Variants in DNALI1 observed in about 807,000 individuals in gnomAD.
DNALI1 encodes dynein axonemal light intermediate chain 1.
In DNALI1, 31 loss-of-function variants were observed where a neutral mutation model predicts 33.9. The observed-to-expected ratio is 0.91, with a 90% CI of 0.69 to 1.23. The LOEUF (loss-of-function observed/expected upper bound fraction) is 1.23, where lower values mean the gene tolerates loss of function less well. Ranked by LOEUF, DNALI1 falls within the 50% of genes most tolerant of loss-of-function variation. The pLI, the probability that DNALI1 is intolerant of heterozygous loss-of-function variation, is 0.00. For missense variants in DNALI1, 305 were observed against 323.8 expected, an observed-to-expected ratio of 0.94 and a Z score of 0.44; for synonymous variants, 117 against 129.2, an observed-to-expected ratio of 0.91 and a Z score of 0.64.
chr1:37,564,680 C>T (rs1440783037), intron 5 of DNALI1, among the ~76,000 whole-genome samples: 2 of 152,176 alleles, frequency 1.3e-5, no homozygotes, highest in Admixed American at 1.3e-4. Flanking sequence ...TGCGCCCGGC[C>T]AGAGAGCCAA....
In DNALI1 at chr1:37,561,735, A is replaced by G. The variant is rs375606011; in HGVS notation, c.576A>G (p.Lys192=). ...AGGGGAAGTCAGACATGGAGAGGAA[A>G]GTGAGTGGGGTTTACCGTGACCCTT... ...AEQGKSDMER[K]IAELETEKRD... Residue 192 remains lysine, a splice_region_variant and synonymous_variant, in exon 4 of 6, where the codon AAA becomes AAG. Coordinates refer to ENST00000652629, the MANE Select transcript of DNALI1 (RefSeq NM_003462.5). This position sits in a 1 kb window ranked among gnomAD's most constrained non-coding sequence, Gnocchi z 4.6. The G allele has an allele frequency of 1.2e-6, 2 of 1,613,356 alleles. No individual in the cohort carries two copies. Among genetic ancestry groups the G allele is most frequent in the Non-Finnish European group, 1.7e-6 (2 of 1,179,586 alleles).
At chr1:37,557,480 G>T in intron 1 of DNALI1, 123 bp from the exon 2 acceptor site, 1 of 1,371,092 alleles carries the variant, frequency 7.3e-7, no homozygotes, top group South Asian at 1.4e-5. Context: ...TGAGAAGACC[G>T]ACCCAAAGTA....
Position 37,559,948 on chromosome 1 carries a change from T to C in DNALI1, c.397+452T>C, listed in dbSNP as rs959917633. On this transcript the variant is annotated intron_variant, in intron 3 of 5. Coordinates refer to ENST00000652629, the MANE Select transcript of DNALI1 (RefSeq NM_003462.5). The surrounding 1 kb of genome is among the most constrained non-coding windows in gnomAD (Gnocchi z 5.3). ...GCAAGAAAACACGTGAGCAAAGGAA[T>C]CTGTGTCACGAATAAGTTCAAGGGA... is the stretch of plus-strand genomic sequence containing the variant. 6.6e-6 allele frequency among the ~76,000 whole-genome samples: 1 copy of C among 152,130 alleles called. No homozygotes were observed. Among genetic ancestry groups the C allele is most frequent in the Non-Finnish European group, 1.5e-5 (1 of 68,016 alleles).
rs1274177226 is a variant in DNALI1 at position 37,561,576 on chromosome 1, C to T, written c.417C>T (p.Val139=). 6.2e-7 allele frequency: 1 copy of T among 1,613,848 alleles called. No individual in the cohort carries two copies. The highest frequency in any genetic ancestry group is 8.5e-7 in the Non-Finnish European group (1 of 1,179,902). Residue 139 remains valine, a synonymous_variant, in exon 4 of 6, where the codon GTC becomes GTT. Coordinates refer to ENST00000652629, the MANE Select transcript of DNALI1 (RefSeq NM_003462.5). The surrounding 1 kb of genome is among the most constrained non-coding windows in gnomAD (Gnocchi z 4.6). ...SQCFDELIRE[V]TINCAERGLL... is the part of the protein sequence containing the mutation. ...TGGAAGATGAGTTGATCCGGGAGGT[C>T]ACCATCAACTGTGCGGAGAGGGGGC...
At chr1:37,557,558 G>C (rs1643386745) in intron 1 of DNALI1, 45 bp from the exon 2 acceptor site, 1 of 1,586,860 alleles carries the variant, frequency 6.3e-7, no homozygotes. Context: ...GTGTGGAGCT[G>C]AGCTCCTGAA....
intron 3 of DNALI1, chr1:37,560,718 A>C (rs1200034833): frequency 6.6e-6 from 1 of 152,242 alleles, no homozygotes; most frequent in Non-Finnish European, 1.5e-5. Flanking sequence ...TATTCTTGGC[A>C]ACTTGAGTTC....
intron 5 of DNALI1, among the ~76,000 whole-genome samples, chr1:37,564,494 T>C (rs1220588685): frequency 1.3e-5 from 2 of 152,146 alleles, no homozygotes; most frequent in East Asian, 3.9e-4. Context: ...GCTATTCTCC[T>C]GCCTCAGCCT....
chr1:37,557,811 T>C, intron 2 of DNALI1, 63 bp downstream of exon 2: 2 of 1,599,830 alleles, frequency 1.3e-6, no homozygotes, highest in South Asian at 1.1e-5. Context: ...ATTTTGGGAG[T>C]GTGGGGGGAG....
In DNALI1 at chr1:37,561,463, A is replaced by G. The variant is rs369359847; in HGVS notation, c.398-94A>G. On this transcript the variant is annotated intron_variant, in intron 3 of 5. Transcript: ENST00000652629. This position sits in a 1 kb window ranked among gnomAD's most constrained non-coding sequence, Gnocchi z 4.6. ...TTTGTCTCCAAGCGAGAACACCCTAATGTCCTTCCCAAGAGGAAGGGTGTT... is the reference window on the plus strand; with the variant it reads ...TTTGTCTCCAAGCGAGAACACCCTAGTGTCCTTCCCAAGAGGAAGGGTGTT... The G allele has an allele frequency of 1.4e-6, 2 of 1,469,678 alleles. No homozygotes were observed. The highest frequency in any genetic ancestry group is 9.2e-7 in the Non-Finnish European group (1 of 1,085,444). 91.0% of individuals were successfully genotyped at this position (1,469,678 alleles called of 1,614,324 possible).
intron 2 of DNALI1, chr1:37,558,268 C>T (rs1203583752): frequency 6.6e-6 from 1 of 152,638 alleles, no homozygotes; most frequent in African/African-American, 2.4e-5. Flanking sequence ...AAATTCTTTC[C>T]CAAATCCAAC....
rs1643485794 is a variant in DNALI1, at chr1:37,565,206, C to A, written c.*145C>A. On this transcript the variant is annotated 3_prime_UTR_variant, in exon 6 of 6. Transcript: ENST00000652629. ...AGCCATAACCTCCCCTAAACACCAC[C>A]TAGGTATTTGTTAGAAGTCACACTA... The A allele has an allele frequency of 1.2e-6, 1 of 831,150 alleles. No homozygotes were observed. The highest frequency in any genetic ancestry group is 1.6e-5 in the South Asian group (1 of 64,226). 51.5% of individuals were successfully genotyped at this position (831,150 alleles called of 1,614,324 possible).
rs1643457990 is a variant in DNALI1, at chr1:37,562,966, T to C, written c.741+721T>C. On this transcript the variant is annotated intron_variant, in intron 5 of 5. Transcript: ENST00000652629. This position sits in a 1 kb window ranked among gnomAD's most constrained non-coding sequence, Gnocchi z 5.8. ...CAAATTATTGGGCCCACCCCAGATC[T>C]ACCAAATCAGAAAATTCGGGGTTGG... Among the ~76,000 whole-genome samples, 1 of 152,222 alleles carries C rather than the reference T, an allele frequency of 6.6e-6. No individual in the cohort carries two copies. Among genetic ancestry groups the C allele is most frequent in the African/African-American group, 2.4e-5 (1 of 41,460 alleles).
chr1:37,559,279 G>A lies in DNALI1; in HGVS notation c.228-48G>A. ...AAGGGCCCTCTGCTCATGTGCTAGGGACCTTCAAGTCAACGGGTTTTGCTC... is the reference window on the plus strand; with the variant it reads ...AAGGGCCCTCTGCTCATGTGCTAGGAACCTTCAAGTCAACGGGTTTTGCTC... On this transcript the variant is annotated intron_variant, in intron 2 of 5. Coordinates refer to ENST00000652629, the MANE Select transcript of DNALI1 (RefSeq NM_003462.5). This position sits in a 1 kb window ranked among gnomAD's most constrained non-coding sequence, Gnocchi z 5.3. 6.5e-7 allele frequency: 1 copy of A among 1,532,610 alleles called. No individual in the cohort carries two copies. The highest frequency in any genetic ancestry group is 2.4e-5 in the East Asian group (1 of 41,880). 94.9% of individuals were successfully genotyped at this position (1,532,610 alleles called of 1,614,324 possible).
rs766981306 is a variant in DNALI1 at position 37,562,277 on chromosome 1, C to T, written c.741+32C>T. The T allele has an allele frequency of 5.0e-5, 80 of 1,597,004 alleles. No homozygotes were observed. In the South Asian group the frequency reaches 8.5e-4, roughly 17 times the overall value. On this transcript the variant is annotated intron_variant, in intron 5 of 5. Transcript: ENST00000652629. The surrounding 1 kb of genome is among the most constrained non-coding windows in gnomAD (Gnocchi z 5.8). ...AACGCGCAGGGTGGGGTGGAGGTGCCCCCTGCCCTGCGACCCAGCCCCACA... is the reference window on the plus strand; with the variant it reads ...AACGCGCAGGGTGGGGTGGAGGTGCTCCCTGCCCTGCGACCCAGCCCCACA...
intron 5 of DNALI1, among the ~76,000 whole-genome samples, chr1:37,564,786 T>C (rs1345734513): frequency 6.6e-6 from 1 of 152,170 alleles, no homozygotes; most frequent in Non-Finnish European, 1.5e-5. Flanking sequence ...CTTTATATCA[T>C]ACCCGGAGCC....
At position 37,562,170 on chromosome 1, in the gene DNALI1, C is replaced by G; in HGVS notation, c.666C>G (p.Ser222Arg). The change falls in exon 5 of 6, where the codon AGC becomes AGG. Residue 222 changes from serine (S) to arginine (R), a missense_variant. By Grantham distance (110) the Ser-to-Arg change is moderately radical. Transcript: ENST00000652629. This position sits in a 1 kb window ranked among gnomAD's most constrained non-coding sequence, Gnocchi z 5.8. The part of the protein sequence containing the change: ...AKCEATEKRE[S>R]ERRQVEEKKH... Reference sequence around the variant, plus strand: ...GTGAAGCCACTGAGAAGCGGGAGAGCGAGAGGCGGCAGGTGGAGGAGAAGA... The same window carrying G: ...GTGAAGCCACTGAGAAGCGGGAGAGGGAGAGGCGGCAGGTGGAGGAGAAGA... The G allele has an allele frequency of 1.2e-6, 2 of 1,613,906 alleles. No homozygotes were observed. Among genetic ancestry groups the G allele is most frequent in the Non-Finnish European group, 1.7e-6 (2 of 1,179,958 alleles).
chr1:37,563,497 T>C (rs913798371), intron 5 of DNALI1, among the ~76,000 whole-genome samples: 1 of 152,194 alleles, frequency 6.6e-6, no homozygotes, highest in Non-Finnish European at 1.5e-5. Context: ...TTTTTAAATT[T>C]TTTTTCTTTT....
At chr1:37,557,150 C>A in intron 1 of DNALI1, 75 bp downstream of exon 1, 1 of 1,601,432 alleles carries the variant, frequency 6.2e-7, no homozygotes, top group South Asian at 1.1e-5. Flanking sequence ...CATGGAGGGT[C>A]AGGAATCTCA....
At chr1:37,563,283 A>G (rs1254431197) in intron 5 of DNALI1, among the ~76,000 whole-genome samples, 1 of 152,228 alleles carries the variant, frequency 6.6e-6, no homozygotes, top group Non-Finnish European at 1.5e-5. Flanking sequence ...GAAAAGCAAG[A>G]AACTTTCACA....
Sources: allele counts gnomAD v4.1 joint callset (sites outside exome capture counted in the v4.1 genomes callset), GRCh38; gene constraint gnomAD v4.1.1; non-coding constraint Gnocchi (gnomAD v3.1); transcripts MANE v1.5; gene names NCBI Gene and HGNC (gene_info 2026-07-23, HGNC 2026-07-21).